Variants in DCC observed in about 807,000 individuals in gnomAD.
DCC encodes the protein DCC netrin 1 receptor, also known as netrin receptor DCC.
DCC carries 58 observed loss-of-function variants against 172.5 expected under a neutral mutation model. The observed-to-expected ratio is 0.34, with a 90% CI of 0.27 to 0.42. DCC has a LOEUF of 0.42. Among genes scored for constraint, DCC ranks in the 10% least tolerant of loss-of-function variants. The probability of loss-of-function intolerance (pLI) is 1.00; values close to 1 mark genes in which losing one functional copy is unlikely to be tolerated. For synonymous variants in DCC, 709 were observed against 644.5 expected (o/e 1.10, Z -1.52); for missense variants, 1,740 against 1,791.0 (o/e 0.97, Z 0.51).
intron 1 of DCC, among the ~76,000 whole-genome samples, chr18:52,527,903 C>A (rs753443204): frequency 6.6e-6 from 1 of 152,174 alleles, no homozygotes; most frequent in African/African-American, 2.4e-5. Context: ...AAAGACTTGG[C>A]CTTATTTCCA....
chr18:53,169,323 T>G (rs1464937003), intron 8 of DCC, among the ~76,000 whole-genome samples: 1 of 152,228 alleles, frequency 6.6e-6, no homozygotes, highest in Non-Finnish European at 1.5e-5. Flanking sequence ...AAATTAACGC[T>G]TCTTATTAAC....
rs75285341 is a variant in DCC, at chr18:52,755,986, C to T, written c.412+3612C>T. Among the ~76,000 whole-genome samples the T allele has an allele frequency of 4.4e-3, 674 of 152,166 alleles. 2 individuals are homozygous for T. Among genetic ancestry groups the T allele is most frequent in the African/African-American group, 0.015 (610 of 41,546 alleles). On this transcript the variant is annotated intron_variant, in intron 2 of 28. Coordinates refer to ENST00000442544, the MANE Select transcript of DCC (RefSeq NM_005215.4). ...AGGGAAGGAAAGTAGGAAAGATAAA[C>T]GAAGAACTATCATTCCATCCAACAT...
intron 1 of DCC, among the ~76,000 whole-genome samples, chr18:52,576,395 G>A (rs559189552): frequency 1.3e-5 from 2 of 152,270 alleles, no homozygotes; most frequent in East Asian, 1.9e-4. Flanking sequence ...GTGACTAAGA[G>A]TATATATGTA....
chr18:52,394,032 T>C (rs563079537), intron 1 of DCC, among the ~76,000 whole-genome samples: 1 of 152,090 alleles, frequency 6.6e-6, no homozygotes, highest in South Asian at 2.1e-4. Flanking sequence ...AAATTCACGA[T>C]AGGCTGGTAA....
At chr18:53,145,172 T>C (rs1460891282) in intron 7 of DCC, among the ~76,000 whole-genome samples, 1 of 129,590 alleles carries the variant, frequency 7.7e-6, no homozygotes, top group African/African-American at 2.8e-5. Context: ...TGGAGTGCAG[T>C]GGCGCGATCT....
chr18:53,040,141 A>G (rs760055827), intron 5 of DCC, among the ~76,000 whole-genome samples: 10 of 152,030 alleles, frequency 6.6e-5, no homozygotes, highest in Admixed American at 1.3e-4. Flanking sequence ...TAGATAACAA[A>G]CTGAGTGACA....
intron 15 of DCC, among the ~76,000 whole-genome samples, chr18:53,344,198 T>G (rs1359038236): frequency 6.6e-6 from 1 of 152,036 alleles, no homozygotes; most frequent in Non-Finnish European, 1.5e-5. Context: ...TTCTAATTTA[T>G]TGACATATGA....
At chr18:52,911,767 T>C (rs2039974376) in intron 3 of DCC, among the ~76,000 whole-genome samples, 1 of 151,954 alleles carries the variant, frequency 6.6e-6, no homozygotes, top group Non-Finnish European at 1.5e-5. Flanking sequence ...TTTCTCATAC[T>C]GTGTTTTCTT....
chr18:52,561,127 T>C (rs1399437926), intron 1 of DCC, among the ~76,000 whole-genome samples: 3 of 151,990 alleles, frequency 2.0e-5, no homozygotes, highest in African/African-American at 7.2e-5. Context: ...TTATTGCCCA[T>C]AAAAGTGATG....
chr18:53,070,311 T>C (rs2042635491), intron 7 of DCC, among the ~76,000 whole-genome samples: 1 of 152,120 alleles, frequency 6.6e-6, no homozygotes, highest in Non-Finnish European at 1.5e-5. Flanking sequence ...ATAAGGGCTT[T>C]TAAATACTTA....
In DCC at chr18:52,380,752, T is replaced by C. The variant is rs541473429; in HGVS notation, c.91+39874T>C. Among the ~76,000 whole-genome samples, 4 of 152,280 alleles carry C rather than the reference T, an allele frequency of 2.6e-5. No individual in the cohort carries two copies. The South Asian group carries it at 8.3e-4, about 32-fold the overall frequency. ...AAGATCCATTCCAGATCTAAAATTG[T>C]ATGAATCAATTACGTACATAGCTTC... On this transcript the variant is annotated intron_variant, in intron 1 of 28. Coordinates refer to ENST00000442544, the MANE Select transcript of DCC (RefSeq NM_005215.4).
intron 9 of DCC, among the ~76,000 whole-genome samples, chr18:53,199,951 T>A (rs1178520612): frequency 6.6e-6 from 1 of 152,100 alleles, no homozygotes; most frequent in Non-Finnish European, 1.5e-5. Context: ...TAGAAAACAA[T>A]TTAGTACCAA....
intron 12 of DCC, among the ~76,000 whole-genome samples, chr18:53,273,814 C>T (rs1449973359): frequency 6.6e-6 from 1 of 151,804 alleles, no homozygotes; most frequent in African/African-American, 2.4e-5. Flanking sequence ...GCTCTTGTCC[C>T]AGTGAGTTAT....
chr18:53,156,651 A>G (rs1411362408), intron 7 of DCC, among the ~76,000 whole-genome samples: 6 of 152,178 alleles, frequency 3.9e-5, no homozygotes, highest in African/African-American at 1.4e-4. Flanking sequence ...ACCTTGTAAA[A>G]TCCTGGAGAT....
chr18:52,819,354 T>G (rs1265920310), intron 2 of DCC, among the ~76,000 whole-genome samples: 1 of 152,234 alleles, frequency 6.6e-6, no homozygotes, highest in Non-Finnish European at 1.5e-5. Flanking sequence ...AGATTGTGCC[T>G]AAAAGTTTTT....
At chr18:52,798,843 C>G (rs1427954223) in intron 2 of DCC, among the ~76,000 whole-genome samples, 1 of 151,988 alleles carries the variant, frequency 6.6e-6, no homozygotes, top group African/African-American at 2.4e-5. Flanking sequence ...ACCTCCCCCT[C>G]CCAGGTTCCA....
chr18:52,884,620 T>C (rs2039542954), intron 2 of DCC, among the ~76,000 whole-genome samples: 1 of 152,206 alleles, frequency 6.6e-6, no homozygotes, highest in African/African-American at 2.4e-5. Context: ...TTAATTTTGT[T>C]GAGTTTCTTC....
At chr18:53,344,761 C>T (rs1318269030) in intron 15 of DCC, among the ~76,000 whole-genome samples, 2 of 151,386 alleles carry the variant, frequency 1.3e-5, no homozygotes, top group Non-Finnish European at 1.5e-5. Context: ...ATTAATAGCA[C>T]TTTAGCAATA....
intron 7 of DCC, among the ~76,000 whole-genome samples, chr18:53,144,182 C>T (rs1191793412): frequency 6.6e-6 from 1 of 152,130 alleles, no homozygotes; most frequent in East Asian, 1.9e-4. Flanking sequence ...CTCAGATTGT[C>T]ATTCATATTT....
Sources: allele counts gnomAD v4.1 joint callset (sites outside exome capture counted in the v4.1 genomes callset), GRCh38; gene constraint gnomAD v4.1.1; transcripts MANE v1.5; gene names NCBI Gene and HGNC (gene_info 2026-07-23, HGNC 2026-07-21).